Variants in CNBD1 observed in about 807,000 individuals in gnomAD.
CNBD1 encodes cyclic nucleotide binding domain containing 1.
CNBD1 carries 71 observed loss-of-function variants against 54.4 expected under a neutral mutation model. That is an observed-to-expected ratio of 1.30 (90% CI 1.08 to 1.59). The LOEUF (loss-of-function observed/expected upper bound fraction) is 1.59. CNBD1 is among the 40% of genes most tolerant of loss of function. CNBD1 has a pLI of 0.00. For missense variants in CNBD1, 659 were observed against 518.0 expected (o/e 1.27, Z -2.64); for synonymous variants, 182 against 170.7 (o/e 1.07, Z -0.51).
At chr8:86,999,598 C>A (rs1382805403) in intron 4 of CNBD1, among the ~76,000 whole-genome samples, 1 of 151,856 alleles carries the variant, frequency 6.6e-6, no homozygotes, top group Non-Finnish European at 1.5e-5. Flanking sequence ...GTAGTTTAAT[C>A]TCTTTCCTTC....
chr8:87,274,311 G>A (rs898600438), intron 6 of CNBD1, among the ~76,000 whole-genome samples: 2 of 149,156 alleles, frequency 1.3e-5, no homozygotes, highest in African/African-American at 5.0e-5. Context: ...GGGTCAAATG[G>A]TATTTCTAGT....
chr8:87,172,846 T>C (rs1813117604), intron 4 of CNBD1, among the ~76,000 whole-genome samples: 1 of 152,160 alleles, frequency 6.6e-6, no homozygotes, highest in Non-Finnish European at 1.5e-5. Flanking sequence ...TGTATTTTTA[T>C]TAGCGTATAT....
intron 8 of CNBD1, among the ~76,000 whole-genome samples, chr8:87,307,870 A>G (rs1018988828): frequency 1.3e-5 from 2 of 151,992 alleles, no homozygotes; most frequent in African/African-American, 4.8e-5. Context: ...AAAAATAACA[A>G]TAAACAAAAT....
At chr8:87,408,218 C>T (rs905170739) in intron 2 of CNBD1, among the ~76,000 whole-genome samples, 2 of 151,910 alleles carry the variant, frequency 1.3e-5, no homozygotes, top group African/African-American at 2.4e-5. Context: ...CTTCATGGTA[C>T]TATAATTCTA....
intron 4 of CNBD1, among the ~76,000 whole-genome samples, chr8:87,088,081 C>G (rs540439812): frequency 2.0e-5 from 3 of 152,174 alleles, no homozygotes; most frequent in African/African-American, 4.8e-5. Context: ...AAAGTTCCAT[C>G]CTCCTTTTCA....
intron 8 of CNBD1, among the ~76,000 whole-genome samples, chr8:87,337,955 C>T (rs1347383924): frequency 1.4e-5 from 2 of 145,602 alleles, no homozygotes; most frequent in Admixed American, 1.3e-4. Flanking sequence ...CTATTTGTCA[C>T]CCTTGTTTTT....
rs1808996099 is a variant in CNBD1 at position 86,905,067 on chromosome 8, C to G, written c.159-14C>G. 1 of 1,519,028 alleles carries G rather than the reference C, an allele frequency of 6.6e-7. No individual in the cohort carries two copies. The highest frequency in any genetic ancestry group is 1.7e-5 in the Admixed American group (1 of 57,280). 94.1% of individuals were successfully genotyped at this position (1,519,028 alleles called of 1,614,324 possible). ...CTATGACACTTACAATTTAATTTCT[C>G]TCTTCTTTTTAAGCCGGAGTATGAG... On this transcript the variant is annotated splice_polypyrimidine_tract_variant and intron_variant, in intron 2 of 10. Coordinates refer to ENST00000518476, the MANE Select transcript of CNBD1 (RefSeq NM_173538.3).
At chr8:87,313,452 C>A (rs1809312483) in intron 8 of CNBD1, among the ~76,000 whole-genome samples, 1 of 151,952 alleles carries the variant, frequency 6.6e-6, no homozygotes, top group South Asian at 2.1e-4. Context: ...CATGCCATTT[C>A]TCAAATATTT....
chr8:86,900,417 A>G (rs1194612883), intron 2 of CNBD1, among the ~76,000 whole-genome samples: 1 of 152,168 alleles, frequency 6.6e-6, no homozygotes, highest in Non-Finnish European at 1.5e-5. Flanking sequence ...TTGCATTTGT[A>G]TGTATTGCTA....
At chr8:87,412,779 A>AG (rs1164956024) in intron 2 of CNBD1, among the ~76,000 whole-genome samples, 1 of 151,624 alleles carries the variant, frequency 6.6e-6, no homozygotes, top group Non-Finnish European at 1.5e-5. Context: ...CAGTATTTAA[A>AG]GGGGAAACAT....
chr8:87,351,732 T>G lies in CNBD1; in HGVS notation c.1090T>G (p.Ser364Ala). ...NIISFVGYIN[S>A]GCCNIYRSII... ...AATTTCTTTTGTGGGTTATATTAAC[T>G]CTGGATGCTGTAACATTTATAGAAG... Residue 364 changes from serine to alanine, a missense_variant, in exon 9 of 11, where the codon TCT (serine) becomes GCT (alanine). Ser to Ala is a moderately conservative substitution (Grantham distance 99). Coordinates refer to ENST00000518476, the MANE Select transcript of CNBD1 (RefSeq NM_173538.3). 6.5e-7 allele frequency: 1 copy of G among 1,538,130 alleles called. No individual in the cohort carries two copies. The highest frequency in any genetic ancestry group is 8.7e-7 in the Non-Finnish European group (1 of 1,147,030).
intron 4 of CNBD1, among the ~76,000 whole-genome samples, chr8:87,197,999 C>A (rs1813756806): frequency 6.6e-6 from 1 of 152,088 alleles, no homozygotes; most frequent in Admixed American, 6.6e-5. Flanking sequence ...GGAGTGAAAA[C>A]CTCTGTGAAA....
chr8:86,987,581 G>T (rs548608090), intron 4 of CNBD1, among the ~76,000 whole-genome samples: 1 of 152,206 alleles, frequency 6.6e-6, no homozygotes, highest in East Asian at 1.9e-4. Context: ...TCTTGTTCCA[G>T]TTCTCAAGAG....
At chr8:87,368,502 G>A (rs1810689658) in intron 10 of CNBD1, among the ~76,000 whole-genome samples, 1 of 151,816 alleles carries the variant, frequency 6.6e-6, no homozygotes, top group Non-Finnish European at 1.5e-5. Flanking sequence ...GCTGGGCATG[G>A]TGCCTCACAC....
intron 4 of CNBD1, among the ~76,000 whole-genome samples, chr8:87,065,454 GT>G (rs901443206): frequency 2.6e-5 from 4 of 151,972 alleles, no homozygotes; most frequent in Non-Finnish European, 4.4e-5. Context: ...TCTTAATACA[GT>G]TTAAGGAATT....
chr8:87,034,834 T>C (rs1287583613), intron 4 of CNBD1, among the ~76,000 whole-genome samples: 1 of 152,164 alleles, frequency 6.6e-6, no homozygotes, highest in Non-Finnish European at 1.5e-5. Context: ...CAGTTCAAAT[T>C]CATGTTGTTC....
intron 6 of CNBD1, among the ~76,000 whole-genome samples, chr8:87,241,952 C>T (rs1389222008): frequency 1.3e-5 from 2 of 152,148 alleles, no homozygotes; most frequent in African/African-American, 2.4e-5. Flanking sequence ...CCCCAGCCAA[C>T]TGAATAGACC....
intron 4 of CNBD1, among the ~76,000 whole-genome samples, chr8:87,204,275 T>A (rs1317921345): frequency 1.3e-5 from 2 of 152,196 alleles, no homozygotes; most frequent in African/African-American, 4.8e-5. Context: ...TTGTAGACAT[T>A]GTTTTTAAGT....
chr8:86,879,300 C>G (rs542658811), intron 1 of CNBD1, among the ~76,000 whole-genome samples: 4 of 152,038 alleles, frequency 2.6e-5, no homozygotes, highest in Admixed American at 2.6e-4. Context: ...AGGGGAGCAT[C>G]ATAAATCTGA....
Sources: gnomAD v4.1 joint callset for allele counts (sites outside exome capture counted in the v4.1 genomes callset) on GRCh38, gnomAD v4.1.1 for gene constraint, MANE v1.5 for transcripts, NCBI Gene and HGNC (gene_info 2026-07-23, HGNC 2026-07-21) for gene names.